NBPF11: variants seen among roughly 807,000 people sequenced by gnomAD.
The protein encoded by NBPF11 is NBPF family member NBPF11.
In NBPF11, 72 loss-of-function variants were observed where a neutral mutation model predicts 93.9. The observed-to-expected ratio is 0.77, with a 90% CI of 0.63 to 0.93. NBPF11 has a LOEUF of 0.93. NBPF11 is among the 40% of genes least tolerant of loss of function. The probability of loss-of-function intolerance (pLI) is 0.00; values close to 1 mark genes in which losing one functional copy is unlikely to be tolerated. For synonymous variants in NBPF11, 224 were observed against 304.9 expected (o/e 0.73, Z 2.76); for missense variants, 705 against 802.2 (o/e 0.88, Z 1.46).
At chr1:148,137,007 T>C (rs1306844599) in intron 3 of NBPF11, among the ~76,000 whole-genome samples, 1 of 151,838 alleles carries the variant, frequency 6.6e-6, no homozygotes, top group Non-Finnish European at 1.5e-5. Context: ...GATGGGGGAA[T>C]GTGAGTGTCC....
chr1:148,146,844 C>G, intron 1 of NBPF11: 1 of 1,613,854 alleles, frequency 6.2e-7, no homozygotes, highest in Non-Finnish European at 8.5e-7. Flanking sequence ...CCTCCGGCTA[C>G]GGTGCCAGCT....
At chr1:148,105,875 A>G (rs1384403387) in intron 21 of NBPF11, among the ~76,000 whole-genome samples, 1 of 140,080 alleles carries the variant, frequency 7.1e-6, no homozygotes, top group African/African-American at 2.9e-5. Context: ...GACACACAGC[A>G]TACAGTGATC....
At chr1:148,144,029 C>A (rs1401570583) in intron 1 of NBPF11, among the ~76,000 whole-genome samples, 1 of 151,406 alleles carries the variant, frequency 6.6e-6, no homozygotes, top group African/African-American at 2.4e-5. Flanking sequence ...TGCACTCCAG[C>A]CTGGGGGGAA....
intron 17 of NBPF11, among the ~76,000 whole-genome samples, 188 bp from the exon 18 acceptor site, chr1:148,108,842 G>GACACACAC (rs71270029): frequency 0.079 from 8,923 of 112,800 alleles, 466 homozygotes; most frequent in Non-Finnish European, 0.1. Context: ...GAAAGAGAAA[G>GACACACAC]ACACACACAC....
intron 1 of NBPF11, among the ~76,000 whole-genome samples, chr1:148,147,972 G>C (rs1481113087): frequency 6.6e-6 from 1 of 152,080 alleles, no homozygotes; most frequent in Non-Finnish European, 1.5e-5. Context: ...GGGGAGGCCA[G>C]AGCGTGCCCA....
At chr1:148,126,430 C>G (rs1396311868) in intron 5 of NBPF11, among the ~76,000 whole-genome samples, 7 of 151,414 alleles carry the variant, frequency 4.6e-5, no homozygotes, top group African/African-American at 1.7e-4. Context: ...TAGAACAGAG[C>G]TTTGCCTGTT....
At chr1:148,134,041 T>C (rs1260544206) in intron 4 of NBPF11, among the ~76,000 whole-genome samples, 3 of 152,044 alleles carry the variant, frequency 2.0e-5, no homozygotes, top group Non-Finnish European at 2.9e-5. Flanking sequence ...AACCCTGTTG[T>C]TCTGACAGCA....
chr1:148,124,611 T>C (rs1266446042), intron 6 of NBPF11, among the ~76,000 whole-genome samples: 1 of 151,764 alleles, frequency 6.6e-6, no homozygotes, highest in Non-Finnish European at 1.5e-5. Context: ...TTGATTATAC[T>C]GAATGCTGCT....
chr1:148,116,241 G>A (rs1358017838), intron 13 of NBPF11, among the ~76,000 whole-genome samples: 487 of 151,350 alleles, frequency 3.2e-3, no homozygotes, highest in African/African-American at 0.011. Flanking sequence ...AGCTGAGGAG[G>A]ATGAAGACTC....
intron 10 of NBPF11, among the ~76,000 whole-genome samples, chr1:148,119,784 C>G (rs1667409020): frequency 6.6e-6 from 1 of 151,938 alleles, no homozygotes; most frequent in African/African-American, 2.4e-5. Context: ...GCCTCCTGAG[C>G]AGGGGTGATT....
intron 2 of NBPF11, among the ~76,000 whole-genome samples, chr1:148,140,354 G>A (rs1474253050): frequency 1.3e-5 from 2 of 151,616 alleles, no homozygotes; most frequent in Non-Finnish European, 2.9e-5. Context: ...CGGGGATCCT[G>A]GGTTCAATGA....
Position 148,123,843 on chromosome 1 carries a change from G to T in NBPF11, c.493+10C>A. ...GGGTTTTGGGTCATCAGGGCCTATG[G>T]CCACCTTACCTGGGCTGAGCTTTTG... On this transcript the variant is annotated intron_variant, in intron 7 of 23. Coordinates refer to ENST00000682118, the MANE Select transcript of NBPF11 (RefSeq NM_001385469.3). 1 of 1,568,876 alleles carries T rather than the reference G, an allele frequency of 6.4e-7. No homozygotes were observed. Among genetic ancestry groups the T allele is most frequent in the Non-Finnish European group, 8.7e-7 (1 of 1,144,372 alleles).
chr1:148,108,540 G>T lies in NBPF11; in HGVS notation c.1968C>A (p.Tyr656Ter), dbSNP rs1664366873. ...YLGLTDSCQPYRSAFYVLEQQ... is the reference protein window; with the variant it reads ...YLGLTDSCQP ...GCTCCAATACGTAAAAGGCACTTCT[G>T]TAGGGCTGGCATGAGTCAGTCAGTC... is the stretch of plus-strand genomic sequence containing the variant. Residue 656 changes from tyrosine to a stop codon, truncating the protein, a stop_gained, in exon 18 of 24, where the codon TAC becomes TAA. Transcript: ENST00000682118. LOFTEE classifies it high-confidence loss of function. 5 of 1,602,760 alleles carry T rather than the reference G, an allele frequency of 3.1e-6. No individual in the cohort carries two copies. The Admixed American group carries it at 8.3e-5, about 27-fold the overall frequency.
chr1:148,146,642 T>G (rs1173613854), intron 1 of NBPF11: 11 of 1,611,430 alleles, frequency 6.8e-6, no homozygotes, highest in African/African-American at 1.3e-5. Context: ...CAGCGCGAGC[T>G]GGACACCATC....
At chr1:148,127,955 G>T (rs1297675570) in intron 4 of NBPF11, among the ~76,000 whole-genome samples, 1 of 151,536 alleles carries the variant, frequency 6.6e-6, no homozygotes, top group East Asian at 1.9e-4. Context: ...GCACACGGCC[G>T]ACTTCTCTTT....
chr1:148,117,227 A>G (rs1335154383), intron 12 of NBPF11, among the ~76,000 whole-genome samples: 22,828 of 144,002 alleles, frequency 0.16, 2,131 homozygotes, highest in East Asian at 0.25. Context: ...GAACATTGCC[A>G]AAAAGACAGC....
Position 148,132,723 on chromosome 1 carries a change from C to CTTTTTTTTTT in NBPF11, c.-36+2939_-36+2948dup, listed in dbSNP as rs796172565. On this transcript the variant is annotated intron_variant, in intron 4 of 23. Coordinates refer to ENST00000682118, the MANE Select transcript of NBPF11 (RefSeq NM_001385469.3). ...CCTTACATAAATTTTGTTGACTTTC[C>CTTTTTTTTTT]TTTTTTTTTTTTTTTTTTTTTTTTT... Among the ~76,000 whole-genome samples the CTTTTTTTTTT allele has an allele frequency of 3.3e-4, 11 of 33,224 alleles. 5 individuals are homozygous for CTTTTTTTTTT. The highest frequency in any genetic ancestry group is 6.4e-4 in the Non-Finnish European group (10 of 15,660). The allele number at this position is 33,224 out of a possible 152,430, so 21.8% of individuals were successfully genotyped here. A position where few individuals can be genotyped will look rare whatever the true frequency, so the allele number is the denominator to read the frequency against.
At chr1:148,111,131 C>A (rs1300445347) in intron 15 of NBPF11, among the ~76,000 whole-genome samples, 3 of 151,366 alleles carry the variant, frequency 2.0e-5, no homozygotes, top group East Asian at 1.9e-4. Context: ...GGACTTCCAG[C>A]AAACTCCAAC....
At chr1:148,129,230 TATACGTGTATATAC>T (rs1212962076) in intron 4 of NBPF11, among the ~76,000 whole-genome samples, 1 of 146,926 alleles carries the variant, frequency 6.8e-6, no homozygotes, top group African/African-American at 2.5e-5. Context: ...ATATATTATA[TATACGTGTATATAC>T]ATACGTGTAT....
Sources: allele counts gnomAD v4.1 joint callset (sites outside exome capture counted in the v4.1 genomes callset), GRCh38; gene constraint gnomAD v4.1.1; transcripts MANE v1.5; gene names NCBI Gene and HGNC (gene_info 2026-07-23, HGNC 2026-07-21).